Variants in ARHGEF5 observed in about 807,000 individuals in gnomAD.
The protein encoded by ARHGEF5 is Rho guanine nucleotide exchange factor (GEF) 5.
A neutral mutation model predicts 104.0 loss-of-function variants in ARHGEF5; 11 were observed. That is an observed-to-expected ratio of 0.11 (90% CI 0.07 to 0.18). ARHGEF5 has a LOEUF of 0.18. ARHGEF5 is among the 10% of genes least tolerant of loss of function. The pLI, the probability that ARHGEF5 is intolerant of heterozygous loss-of-function variation, is 1.00. For missense variants in ARHGEF5, 165 were observed against 1,335.4 expected (o/e 0.12, Z 13.66); for synonymous variants, 60 against 512.2 (o/e 0.12, Z 11.92).
At chr7:144,372,985 C>G (rs541953486) in intron 9 of ARHGEF5, among the ~76,000 whole-genome samples, 1 of 136,036 alleles carries the variant, frequency 7.4e-6, no homozygotes, top group South Asian at 2.4e-4. Flanking sequence ...ATCACCCCCC[C>G]ATTCAGTCTC....
chr7:144,379,239 A>G (rs913374352), intron 14 of ARHGEF5, among the ~76,000 whole-genome samples: 1 of 151,862 alleles, frequency 6.6e-6, no homozygotes, highest in Admixed American at 6.6e-5. Flanking sequence ...ATTATTTTTG[A>G]GACAGAGTCT....
In ARHGEF5 at chr7:144,380,267, C is replaced by A; in HGVS notation, c.*211C>A. On this transcript the variant is annotated 3_prime_UTR_variant, in exon 15 of 15. Coordinates refer to ENST00000056217, the MANE Select transcript of ARHGEF5 (RefSeq NM_005435.4). Reference sequence around the variant, plus strand: ...GGATTTCGAGGGACTTTGCACTGGACTCTGGGAACCTTTCATCATTAAAAA... The same window carrying A: ...GGATTTCGAGGGACTTTGCACTGGAATCTGGGAACCTTTCATCATTAAAAA... 1.8e-6 allele frequency: 1 copy of A among 542,686 alleles called. No individual in the cohort carries two copies. The highest frequency in any genetic ancestry group is 3.2e-6 in the Non-Finnish European group (1 of 313,096). 33.6% of individuals were successfully genotyped at this position (542,686 alleles called of 1,614,324 possible). A position where few individuals can be genotyped will look rare whatever the true frequency, so the allele number is the denominator to read the frequency against.
rs1259399566 is a variant in ARHGEF5 at position 144,357,124 on chromosome 7, C to T, written c.-13+1623C>T. Among the ~76,000 whole-genome samples, 18 of 134,110 alleles carry T rather than the reference C, an allele frequency of 1.3e-4. 1 individual carries two copies. The highest frequency in any genetic ancestry group is 1.3e-3 in the East Asian group (5 of 3,800). The allele number at this position is 134,110 out of a possible 152,430, so 88.0% of individuals were successfully genotyped here. A position where few individuals can be genotyped will look rare whatever the true frequency, so the allele number is the denominator to read the frequency against. ...CAGTGTCTGTGGAGTAAGCAGGAGC[C>T]GATCACTTATAGTGCCTGCAAGGTA... On this transcript the variant is annotated intron_variant, in intron 1 of 14. Transcript: ENST00000056217.
Position 144,380,155 on chromosome 7 carries a change from C to T in ARHGEF5, c.*99C>T. On this transcript the variant is annotated 3_prime_UTR_variant, in exon 15 of 15. Coordinates refer to ENST00000056217, the MANE Select transcript of ARHGEF5 (RefSeq NM_005435.4). ...AGAGAGGCCTTCTGTGGATGGAGAA[C>T]TAGGCCTTCTCAAAGCTCAAGGACA... The T allele has an allele frequency of 6.8e-7, 1 of 1,463,560 alleles. No homozygotes were observed. Among genetic ancestry groups the T allele is most frequent in the Non-Finnish European group, 9.4e-7 (1 of 1,069,294 alleles). The allele number at this position is 1,463,560 out of a possible 1,614,324, so 90.7% of individuals were successfully genotyped here. A position where few individuals can be genotyped will look rare whatever the true frequency, so the allele number is the denominator to read the frequency against.
intron 1 of ARHGEF5, among the ~76,000 whole-genome samples, chr7:144,357,677 A>C (rs1158992288): frequency 2.0e-5 from 3 of 151,870 alleles, no homozygotes; most frequent in African/African-American, 7.2e-5. Context: ...GTATCCTTGA[A>C]ATACAGTGTT....
intron 14 of ARHGEF5, among the ~76,000 whole-genome samples, 177 bp from the exon 15 acceptor site, chr7:144,379,722 C>T (rs1345797672): frequency 1.3e-5 from 2 of 152,190 alleles, no homozygotes; most frequent in Non-Finnish European, 2.9e-5. Flanking sequence ...GAATGGACAG[C>T]TGTAGACTTG....
rs749770915 is a variant in ARHGEF5, at chr7:144,378,723, G to T, written c.4532-39G>T. 9 of 1,572,730 alleles carry T rather than the reference G, an allele frequency of 5.7e-6. No individual in the cohort carries two copies. The Admixed American group carries it at 1.5e-4, about 27-fold the overall frequency. ...GTCCCTGTCTGTGTTCCAATCCCCT[G>T]CCTCTCCTAACCTCTCTTCACACTC... On this transcript the variant is annotated intron_variant, in intron 13 of 14. Transcript: ENST00000056217.
At chr7:144,377,318 G>A in intron 13 of ARHGEF5, 128 bp downstream of exon 13, 1 of 1,511,044 alleles carries the variant, frequency 6.6e-7, no homozygotes, top group Non-Finnish European at 8.9e-7. Flanking sequence ...ATGTCAGGGT[G>A]GAAGATTGGC....
chr7:144,378,630 T>A lies in ARHGEF5; in HGVS notation c.4532-132T>A, dbSNP rs1587074646. On this transcript the variant is annotated intron_variant, in intron 13 of 14. Coordinates refer to ENST00000056217, the MANE Select transcript of ARHGEF5 (RefSeq NM_005435.4). ...TATTAACCATTTTCAAATTTCCTCT[T>A]TTGTCTGTGACTTTCAACAGCCCAA... is the stretch of plus-strand genomic sequence containing the variant. The A allele has an allele frequency of 2.0e-5, 14 of 698,490 alleles. No homozygotes were observed. The South Asian group carries it at 2.7e-4, about 14-fold the overall frequency. The allele number at this position is 698,490 out of a possible 1,614,324, so 43.3% of individuals were successfully genotyped here. A position where few individuals can be genotyped will look rare whatever the true frequency, so the allele number is the denominator to read the frequency against.
At chr7:144,378,695 C>A in intron 13 of ARHGEF5, 67 bp from the exon 14 acceptor site, 2 of 1,398,016 alleles carry the variant, frequency 1.4e-6, no homozygotes, top group Non-Finnish European at 2.0e-6. Context: ...CACCCCCCTC[C>A]AAGTCCCTGT....
chr7:144,364,394 GGCTGCCC>G lies in ARHGEF5; in HGVS notation c.1726_1732del (p.Ala576SerfsTer67). 6.0e-6 allele frequency: 2 copies of G among 332,416 alleles called. 1 individual carries two copies. The highest frequency in any genetic ancestry group is 1.1e-5 in the Non-Finnish European group (2 of 188,586). 20.6% of individuals were successfully genotyped at this position (332,416 alleles called of 1,614,324 possible). On this transcript the variant is annotated frameshift_variant, in exon 2 of 15. Transcript: ENST00000056217. LOFTEE classifies it high-confidence loss of function. ...CCTGTGGGACTTCTGAGATGTGCCC[GGCTGCCC>G]TCTATGGCTTCCCCTCCACCGGGAC...
chr7:144,357,693 T>C (rs1175528681), intron 1 of ARHGEF5, among the ~76,000 whole-genome samples: 1 of 151,846 alleles, frequency 6.6e-6, no homozygotes, highest in Non-Finnish European at 1.5e-5. Flanking sequence ...GTGTTGTTTC[T>C]AGTGACTAGA....
chr7:144,359,357 C>A (rs2053620509), intron 1 of ARHGEF5, among the ~76,000 whole-genome samples: 1 of 141,168 alleles, frequency 7.1e-6, no homozygotes, highest in African/African-American at 2.6e-5. Flanking sequence ...AGCAAAGATA[C>A]CAGAGAGGCA....
chr7:144,374,164 A>G (rs1399839295), intron 10 of ARHGEF5, among the ~76,000 whole-genome samples: 1 of 71,382 alleles, frequency 1.4e-5, no homozygotes, highest in Non-Finnish European at 3.2e-5. Flanking sequence ...CTATCTTTAC[A>G]CTCCTGAAAA....
Position 144,380,014 on chromosome 7 carries a change from A to G in ARHGEF5, c.4752A>G (p.Arg1584=). ...VRAQNLKEAH[R]VKTAKLQLVE... is the part of the protein sequence containing the mutation. ...CACAGAACCTGAAGGAAGCTCATCG[A>G]GTCAAGACTGCCAAACTACAGCTGG... Residue 1584 remains arginine, a synonymous_variant, in exon 15 of 15, where the codon CGA becomes CGG. Transcript: ENST00000056217. 1 of 1,614,196 alleles carries G rather than the reference A, an allele frequency of 6.2e-7. No homozygotes were observed. Among genetic ancestry groups the G allele is most frequent in the South Asian group, 1.1e-5 (1 of 91,086 alleles).
chr7:144,379,861 T>TC lies in ARHGEF5; in HGVS notation c.4637-38_4637-37insC, dbSNP rs774793540. On this transcript the variant is annotated intron_variant, in intron 14 of 14. Coordinates refer to ENST00000056217, the MANE Select transcript of ARHGEF5 (RefSeq NM_005435.4). ...GATCCAGAGAAGCTATCGTGAGCCT[T>TC]TCCCAGGTAATTCTTCCCACTCACC... The TC allele has an allele frequency of 4.3e-6, 7 of 1,612,952 alleles. No homozygotes were observed. The African/African-American group carries it at 6.7e-5, about 15-fold the overall frequency.
At chr7:144,378,041 G>T (rs2053773991) in intron 13 of ARHGEF5, among the ~76,000 whole-genome samples, 1 of 152,156 alleles carries the variant, frequency 6.6e-6, no homozygotes, top group South Asian at 2.1e-4. Flanking sequence ...TAACAAAAAA[G>T]AGCCATAAAC....
chr7:144,362,670 A>ATGGAGGCTGAGGAGGCCTAGCG lies in ARHGEF5; in HGVS notation c.18_19insTAGCGTGGAGGCTGAGGAGGCC (p.Gln7_?6). ...GATTCCTCCTTAGGATTCAGCCCTG[A>ATGGAGGCTGAGGAGGCCTAGCG]TGGAGGCTGAGGAGGCCCAGCGTGG... On this transcript the variant is annotated stop_gained and frameshift_variant and start_lost, in exon 2 of 15. Transcript: ENST00000056217. LOFTEE classifies it high-confidence loss of function. 1 of 1,354,732 alleles carries ATGGAGGCTGAGGAGGCCTAGCG rather than the reference A, an allele frequency of 7.4e-7. No individual in the cohort carries two copies. Among genetic ancestry groups the ATGGAGGCTGAGGAGGCCTAGCG allele is most frequent in the Admixed American group, 2.0e-5 (1 of 49,866 alleles). The allele number at this position is 1,354,732 out of a possible 1,614,324, so 83.9% of individuals were successfully genotyped here.
chr7:144,379,062 A>G (rs2053782274), intron 14 of ARHGEF5, among the ~76,000 whole-genome samples, 196 bp downstream of exon 14: 1 of 152,096 alleles, frequency 6.6e-6, no homozygotes, highest in South Asian at 2.1e-4. Flanking sequence ...GTCTTTTGAA[A>G]CCTGTAGGGA....
Sources: allele counts gnomAD v4.1 joint callset (sites outside exome capture counted in the v4.1 genomes callset), GRCh38; gene constraint gnomAD v4.1.1; transcripts MANE v1.5; gene names NCBI Gene and HGNC (gene_info 2026-07-23, HGNC 2026-07-21).